Variants in PPP1R14C observed in about 807,000 individuals in gnomAD.
PPP1R14C encodes protein phosphatase 1 regulatory inhibitor subunit 14C.
Under a neutral mutation model 20.4 loss-of-function variants are expected in PPP1R14C, and 16 were observed. The ratio of observed to expected loss-of-function variants is 0.78; its 90% confidence interval spans 0.53 to 1.19. The LOEUF (loss-of-function observed/expected upper bound fraction) is 1.19. PPP1R14C is among the 50% of genes most tolerant of loss of function. The pLI is 0.00. For missense variants in PPP1R14C, 211 were observed against 220.1 expected (o/e 0.96, Z 0.26); for synonymous variants, 91 against 91.0 (o/e 1.00, Z 0.00).
At chr6:150,148,157 A>T (rs1390980191) in intron 1 of PPP1R14C, among the ~76,000 whole-genome samples, 1 of 152,228 alleles carries the variant, frequency 6.6e-6, no homozygotes, top group Non-Finnish European at 1.5e-5. Flanking sequence ...TGCTTCTGAA[A>T]GGGAGAAGCC....
chr6:150,186,245 G>A (rs907782436), intron 1 of PPP1R14C, among the ~76,000 whole-genome samples: 3 of 152,160 alleles, frequency 2.0e-5, no homozygotes, highest in Admixed American at 1.3e-4. Flanking sequence ...CAAACAGGCG[G>A]TTCCTCTAGG....
intron 1 of PPP1R14C, among the ~76,000 whole-genome samples, chr6:150,171,591 T>G (rs912561): frequency 0.85 from 129,698 of 152,124 alleles, 55,742 homozygotes; most frequent in African/African-American, 0.96. Flanking sequence ...GAAAGTTAAG[T>G]GATTTTCTTC....
chr6:150,159,759 G>T (rs944082532), intron 1 of PPP1R14C, among the ~76,000 whole-genome samples: 3 of 152,006 alleles, frequency 2.0e-5, no homozygotes, highest in African/African-American at 7.2e-5. Flanking sequence ...TTATACATTT[G>T]TCACAATGAA....
chr6:150,219,496 G>A (rs565820010), intron 3 of PPP1R14C, among the ~76,000 whole-genome samples: 13 of 151,848 alleles, frequency 8.6e-5, no homozygotes, highest in Non-Finnish European at 1.8e-4. Context: ...GATTACAGGC[G>A]TGAGTCACTG....
At chr6:150,242,241 C>T (rs1184656188) in intron 3 of PPP1R14C, among the ~76,000 whole-genome samples, 1 of 134,020 alleles carries the variant, frequency 7.5e-6, no homozygotes, top group Non-Finnish European at 1.6e-5. Flanking sequence ...CTTCCAGAAA[C>T]TTGAAAAGGA....
At chr6:150,218,479 C>G (rs1029766483) in intron 3 of PPP1R14C, among the ~76,000 whole-genome samples, 4 of 114,976 alleles carry the variant, frequency 3.5e-5, no homozygotes, top group East Asian at 3.0e-4. Flanking sequence ...TCTGAACCCC[C>G]CCCCCCAAAA....
At chr6:150,149,378 T>A (rs1777217174) in intron 1 of PPP1R14C, among the ~76,000 whole-genome samples, 1 of 150,710 alleles carries the variant, frequency 6.6e-6, no homozygotes, top group South Asian at 2.1e-4. Flanking sequence ...CTAGCTAGAG[T>A]GCAGTGGGGC....
rs1233475238 is a variant in PPP1R14C at position 150,187,914 on chromosome 6, A to G, written c.307-26830A>G. ...TCTTGGCATGATTTGTATTTCTACA[A>G]CTGATTGGTTTTCACAATATTTGTT... On this transcript the variant is annotated intron_variant, in intron 1 of 3. Coordinates refer to ENST00000361131, the MANE Select transcript of PPP1R14C (RefSeq NM_030949.3). Among the ~76,000 whole-genome samples the G allele has an allele frequency of 3.3e-5, 5 of 152,296 alleles. No individual in the cohort carries two copies. In the East Asian group the frequency reaches 7.7e-4, roughly 23 times the overall value.
At chr6:150,216,727 A>G in intron 2 of PPP1R14C, 97 bp from the exon 3 acceptor site, 1 of 810,478 alleles carries the variant, frequency 1.2e-6, no homozygotes, top group Non-Finnish European at 2.0e-6. Flanking sequence ...ACCATTATAA[A>G]ATAATACTAT....
chr6:150,159,633 A>T (rs1176958749), intron 1 of PPP1R14C, among the ~76,000 whole-genome samples: 2 of 148,830 alleles, frequency 1.3e-5, no homozygotes, highest in African/African-American at 5.0e-5. Context: ...TTTTTTTTTT[A>T]AACAAATAAG....
Position 150,225,155 on chromosome 6 carries a change from AAAAAAAAAGAAG to A in PPP1R14C, c.423+8302_423+8313del, listed in dbSNP as rs559161653. Among the ~76,000 whole-genome samples the A allele has an allele frequency of 4.0e-5, 6 of 151,474 alleles. No homozygotes were observed. The East Asian group carries it at 1.2e-3, about 29-fold the overall frequency. ...TTAAATAAACTTTTAGACTTTGGGGAAAAAAAAAGAAGAAGAAAAAGAAGAAGAACAGAATGC... is the reference window on the plus strand; with the variant it reads ...TTAAATAAACTTTTAGACTTTGGGGAAAGAAAAAGAAGAAGAACAGAATGC... On this transcript the variant is annotated intron_variant, in intron 3 of 3. Transcript: ENST00000361131.
At chr6:150,207,508 T>C (rs146122027) in intron 1 of PPP1R14C, among the ~76,000 whole-genome samples, 3 of 152,362 alleles carry the variant, frequency 2.0e-5, no homozygotes, top group South Asian at 2.1e-4. Flanking sequence ...GCATCCCATG[T>C]ACCTTCCTCA....
intron 1 of PPP1R14C, chr6:150,195,825 G>T (rs1355502693): frequency 2.0e-6 from 2 of 985,242 alleles, no homozygotes; most frequent in Non-Finnish European, 2.4e-6. Context: ...TTCTTGATGG[G>T]TTTTAATATG....
At chr6:150,206,158 A>G (rs897689217) in intron 1 of PPP1R14C, among the ~76,000 whole-genome samples, 7 of 152,046 alleles carry the variant, frequency 4.6e-5, no homozygotes, top group African/African-American at 1.7e-4. Flanking sequence ...CTGTGTCTTT[A>G]ATCAGATACC....
At chr6:150,204,279 G>A (rs559984727) in intron 1 of PPP1R14C, among the ~76,000 whole-genome samples, 118 of 152,322 alleles carry the variant, frequency 7.7e-4, no homozygotes, top group Non-Finnish European at 1.4e-3. Context: ...CTCGTCACGG[G>A]GGCATTGTTA....
chr6:150,206,320 T>G (rs1259101584), intron 1 of PPP1R14C, among the ~76,000 whole-genome samples: 1 of 152,174 alleles, frequency 6.6e-6, no homozygotes. Flanking sequence ...CTTCCCCCAT[T>G]AGAGTTTAAT....
chr6:150,223,386 G>GT (rs1292405224), intron 3 of PPP1R14C, among the ~76,000 whole-genome samples: 1 of 152,168 alleles, frequency 6.6e-6, no homozygotes, highest in African/African-American at 2.4e-5. Context: ...TTACTGTATT[G>GT]TAAGAAAAGT....
At chr6:150,215,823 G>T (rs919960211) in intron 2 of PPP1R14C, among the ~76,000 whole-genome samples, 1 of 152,194 alleles carries the variant, frequency 6.6e-6, no homozygotes. Context: ...GAGGACCCAA[G>T]CTGGTTTATG....
chr6:150,171,075 C>T (rs1241204595), intron 1 of PPP1R14C, among the ~76,000 whole-genome samples: 1 of 152,072 alleles, frequency 6.6e-6, no homozygotes, highest in Non-Finnish European at 1.5e-5. Context: ...ACATTGGTCA[C>T]AATCGATGAA....
Sources: gnomAD v4.1 joint callset for allele counts (sites outside exome capture counted in the v4.1 genomes callset) on GRCh38, gnomAD v4.1.1 for gene constraint, MANE v1.5 for transcripts, NCBI Gene and HGNC (gene_info 2026-07-23, HGNC 2026-07-21) for gene names.